Variants in GABBR2 observed in about 807,000 individuals in gnomAD.
The protein encoded by GABBR2 is gamma-aminobutyric acid type B receptor subunit 2.
GABBR2 carries 23 observed loss-of-function variants against 105.6 expected under a neutral mutation model. The observed-to-expected ratio is 0.22, with a 90% confidence interval of 0.16 to 0.31. The LOEUF is 0.31. Ranked by LOEUF, GABBR2 falls within the 10% of genes least tolerant of loss-of-function variation. The pLI is 1.00. For synonymous variants in GABBR2, 478 were observed against 499.7 expected (o/e 0.96, Z 0.58); for missense variants, 734 against 1,245.5 (o/e 0.59, Z 6.18).
chr9:98,343,198 C>G (rs1831244413), intron 13 of GABBR2, among the ~76,000 whole-genome samples: 1 of 152,198 alleles, frequency 6.6e-6, no homozygotes, highest in Non-Finnish European at 1.5e-5. Flanking sequence ...TTGATTACTG[C>G]TCAAATGGCC....
At chr9:98,470,423 C>T (rs1826648725) in intron 6 of GABBR2, among the ~76,000 whole-genome samples, 1 of 152,060 alleles carries the variant, frequency 6.6e-6, no homozygotes, top group African/African-American at 2.4e-5. Flanking sequence ...AATGAATTTC[C>T]CCTTATCAAA....
chr9:98,412,558 G>A (rs568378356), intron 7 of GABBR2, among the ~76,000 whole-genome samples: 1 of 152,172 alleles, frequency 6.6e-6, no homozygotes, highest in Non-Finnish European at 1.5e-5. Context: ...GGCCTCAGAA[G>A]TCTCCTCAGA....
intron 2 of GABBR2, among the ~76,000 whole-genome samples, chr9:98,563,559 C>T (rs1224722690): frequency 1.3e-5 from 2 of 152,124 alleles, no homozygotes; most frequent in Non-Finnish European, 2.9e-5. Context: ...AGGAATGGGC[C>T]CAGAGTCTCA....
At chr9:98,363,920 A>C (rs189759768) in intron 12 of GABBR2, among the ~76,000 whole-genome samples, 2 of 152,286 alleles carry the variant, frequency 1.3e-5, no homozygotes, top group African/African-American at 2.4e-5. Context: ...AGCTAATGTG[A>C]TGGAGTAGTT....
intron 1 of GABBR2, among the ~76,000 whole-genome samples, chr9:98,651,941 A>T (rs539511407): frequency 9.2e-5 from 14 of 152,320 alleles, no homozygotes; most frequent in African/African-American, 3.4e-4. Context: ...CAGACATACA[A>T]ACAAAATCAT....
chr9:98,326,972 G>C (rs1830934965), intron 13 of GABBR2, among the ~76,000 whole-genome samples: 1 of 152,206 alleles, frequency 6.6e-6, no homozygotes, highest in East Asian at 1.9e-4. Flanking sequence ...CCTGAATCTG[G>C]GTCTGTGTGA....
intron 2 of GABBR2, among the ~76,000 whole-genome samples, chr9:98,571,351 C>G (rs919856566): frequency 6.6e-6 from 1 of 152,134 alleles, no homozygotes; most frequent in Non-Finnish European, 1.5e-5. Context: ...CCCCTGTGAC[C>G]GCCTCCATGT....
chr9:98,458,581 T>G (rs192149108), intron 6 of GABBR2, among the ~76,000 whole-genome samples: 57 of 152,292 alleles, frequency 3.7e-4, no homozygotes, highest in Admixed American at 1.7e-3. Flanking sequence ...GGCAGGTGTC[T>G]GTAATCCCAG....
chr9:98,337,305 G>A (rs567253475), intron 13 of GABBR2, among the ~76,000 whole-genome samples: 2 of 151,836 alleles, frequency 1.3e-5, no homozygotes, highest in South Asian at 2.1e-4. Context: ...ACTCCATCTC[G>A]GAAGAAAAAA....
intron 6 of GABBR2, among the ~76,000 whole-genome samples, chr9:98,457,180 G>C (rs1826338774): frequency 6.6e-6 from 1 of 152,200 alleles, no homozygotes. Flanking sequence ...GCTCCTATGA[G>C]CTTTCTCCAA....
rs1309697511 is a variant in GABBR2, at chr9:98,514,418, AT to A, written c.631-17905del. On this transcript the variant is annotated intron_variant, in intron 3 of 18. Coordinates refer to ENST00000259455, the MANE Select transcript of GABBR2 (RefSeq NM_005458.8). Reference sequence around the variant, plus strand: ...TTAAAGTATAATAATAATAATAATAATAATAAAAAAGAAAATGTGGCACATA... The same window carrying A: ...TTAAAGTATAATAATAATAATAATAAAATAAAAAAGAAAATGTGGCACATA... Among the ~76,000 whole-genome samples the A allele has an allele frequency of 1.1e-4, 10 of 90,610 alleles. 2 individuals carry two copies. The highest frequency in any genetic ancestry group is 1.7e-4 in the Non-Finnish European group (6 of 34,660). 59.4% of individuals were successfully genotyped at this position (90,610 alleles called of 152,430 possible). A position where few individuals can be genotyped will look rare whatever the true frequency, so the allele number is the denominator to read the frequency against.
intron 1 of GABBR2, among the ~76,000 whole-genome samples, chr9:98,620,921 T>C (rs750796670): frequency 2.6e-5 from 4 of 152,160 alleles, no homozygotes; most frequent in African/African-American, 4.8e-5. Context: ...TGCACTAGTA[T>C]TTGTGCCTAC....
intron 1 of GABBR2, among the ~76,000 whole-genome samples, chr9:98,605,664 C>G (rs1242746421): frequency 2.0e-5 from 3 of 152,204 alleles, no homozygotes; most frequent in African/African-American, 7.2e-5. Flanking sequence ...AGGCTTCAAA[C>G]TGCGTGACAT....
intron 7 of GABBR2, among the ~76,000 whole-genome samples, chr9:98,413,982 T>C (rs367837915): frequency 3.9e-5 from 6 of 152,352 alleles, no homozygotes; most frequent in African/African-American, 1.4e-4. Context: ...AATATTAGGA[T>C]ACGTGCATTC....
At chr9:98,568,622 A>G (rs1828783119) in intron 2 of GABBR2, among the ~76,000 whole-genome samples, 1 of 152,088 alleles carries the variant, frequency 6.6e-6, no homozygotes, top group Admixed American at 6.5e-5. Flanking sequence ...CACTTTGTCC[A>G]CCACAGAGCC....
At chr9:98,359,305 G>A (rs1564030416) in intron 13 of GABBR2, among the ~76,000 whole-genome samples, 1 of 151,986 alleles carries the variant, frequency 6.6e-6, no homozygotes, top group Non-Finnish European at 1.5e-5. Context: ...GTGCACACCT[G>A]TAGTCCCAGC....
chr9:98,428,179 G>A (rs10760320), intron 7 of GABBR2, among the ~76,000 whole-genome samples: 84,226 of 152,056 alleles, frequency 0.55, 26,138 homozygotes, highest in Non-Finnish European at 0.7. Context: ...AAAACTACTC[G>A]CAGGGTAGGG....
intron 1 of GABBR2, among the ~76,000 whole-genome samples, chr9:98,600,325 C>T (rs555539448): frequency 6.6e-6 from 1 of 152,268 alleles, no homozygotes; most frequent in Admixed American, 6.5e-5. Context: ...AGCTGACCTC[C>T]CCGCTCCAAT....
rs535678903 is a variant in GABBR2, at chr9:98,485,372, TG to T, written c.733-4376del. 3.4e-4 allele frequency among the ~76,000 whole-genome samples: 52 copies of T among 152,244 alleles called. 1 individual carries two copies. In the South Asian group the frequency reaches 8.1e-3, roughly 24 times the overall value. ...AGGGAGAGGCCCACTAAACTCCCTC[TG>T]GAGAGGAGTCTAATGTTGCCAAACC... On this transcript the variant is annotated intron_variant, in intron 4 of 18. Coordinates refer to ENST00000259455, the MANE Select transcript of GABBR2 (RefSeq NM_005458.8).
Sources: gnomAD v4.1 joint callset for allele counts (sites outside exome capture counted in the v4.1 genomes callset) on GRCh38, gnomAD v4.1.1 for gene constraint, MANE v1.5 for transcripts, NCBI Gene and HGNC (gene_info 2026-07-23, HGNC 2026-07-21) for gene names.